AKR1B15: variants seen among roughly 807,000 people sequenced by gnomAD.
AKR1B15 encodes the protein estradiol 17-beta-dehydrogenase AKR1B15.
Under a neutral mutation model 38.5 loss-of-function variants are expected in AKR1B15, and 49 were observed. The observed-to-expected ratio is 1.27, with a 90% CI of 1.01 to 1.62. The LOEUF (loss-of-function observed/expected upper bound fraction) is 1.62, where lower values mean the gene tolerates loss of function less well. Ranked by LOEUF, AKR1B15 falls within the 40% of genes most tolerant of loss-of-function variation. The pLI, the probability that AKR1B15 is intolerant of heterozygous loss-of-function variation, is 0.00. For synonymous variants in AKR1B15, 137 were observed against 135.5 expected, an observed-to-expected ratio of 1.01 and a Z score of -0.08; for missense variants, 411 against 381.6, an observed-to-expected ratio of 1.08 and a Z score of -0.64.
At chr7:134,560,727 G>A (rs1286174770) in intron 2 of AKR1B15, among the ~76,000 whole-genome samples, 1 of 152,192 alleles carries the variant, frequency 6.6e-6, no homozygotes, top group Non-Finnish European at 1.5e-5. Context: ...GGAAGACCAT[G>A]AAAAGAGGGT....
intron 1 of AKR1B15, among the ~76,000 whole-genome samples, chr7:134,555,131 C>T (rs1205977015): frequency 6.6e-6 from 1 of 152,168 alleles, no homozygotes; most frequent in Admixed American, 6.5e-5. Context: ...AAAGGATACC[C>T]ATTTAGCAGA....
At chr7:134,561,228 T>G (rs1278449350) in intron 2 of AKR1B15, among the ~76,000 whole-genome samples, 1 of 152,162 alleles carries the variant, frequency 6.6e-6, no homozygotes. Context: ...ATTTATTTAT[T>G]TTTGAGATGG....
chr7:134,554,039 T>A (rs748764636), intron 1 of AKR1B15, among the ~76,000 whole-genome samples: 5 of 152,194 alleles, frequency 3.3e-5, no homozygotes, highest in Non-Finnish European at 4.4e-5. Context: ...GCAGGTATGC[T>A]TTTGCTACTG....
chr7:134,564,823 G>A (rs1431323244), intron 3 of AKR1B15, 54 bp downstream of exon 3: 1 of 566,796 alleles, frequency 1.8e-6, no homozygotes, highest in African/African-American at 1.9e-5. Flanking sequence ...GTGGTGTCCT[G>A]TTTAGATGGG....
intron 6 of AKR1B15, among the ~76,000 whole-genome samples, chr7:134,574,575 C>T: frequency 6.6e-6 from 1 of 152,154 alleles, no homozygotes; most frequent in Non-Finnish European, 1.5e-5. Context: ...CTGTAAGAAT[C>T]CCAGAAGAAG....
intron 2 of AKR1B15, 78 bp downstream of exon 2, chr7:134,556,937 T>C (rs958617980): frequency 1.3e-5 from 2 of 152,160 alleles, no homozygotes; most frequent in African/African-American, 2.4e-5. Flanking sequence ...CTGAAGTAGT[T>C]CTTCAAAACC....
chr7:134,573,588 A>C, intron 6 of AKR1B15: 14 of 973,840 alleles, frequency 1.4e-5, no homozygotes, highest in Non-Finnish European at 1.5e-5. Context: ...TAGAAACCTC[A>C]TTGACTACCC....
chr7:134,578,012 G>A (rs1168495880), intron 11 of AKR1B15, among the ~76,000 whole-genome samples: 1 of 152,188 alleles, frequency 6.6e-6, no homozygotes, highest in Non-Finnish European at 1.5e-5. Flanking sequence ...AATTGTAAGA[G>A]AAGGTGTGTT....
intron 6 of AKR1B15, among the ~76,000 whole-genome samples, chr7:134,574,665 G>T (rs565368345): frequency 6.6e-6 from 1 of 152,218 alleles, no homozygotes; most frequent in Non-Finnish European, 1.5e-5. Flanking sequence ...CTAAATACAT[G>T]TTGCATTGGA....
chr7:134,577,042 T>A lies in AKR1B15; in HGVS notation c.905T>A (p.Ile302Asn). The A allele has an allele frequency of 6.2e-7, 1 of 1,613,440 alleles. No individual in the cohort carries two copies. Among genetic ancestry groups the A allele is most frequent in the Non-Finnish European group, 8.5e-7 (1 of 1,179,450 alleles). Residue 302 changes from isoleucine (I) to asparagine (N), a missense_variant, in exon 10 of 12, where the codon ATT becomes AAT. Physicochemically the swap from Ile to Asn is moderately radical, Grantham distance 149. This residue lies in a region of AKR1B15 where 133 missense variants were observed against 120.3 expected (regional missense o/e 1.11). Transcript: ENST00000457545. ...SMTPAHIVEN[I>N]QVFDFKLSDE... is the part of the protein sequence containing the mutation. The stretch of plus-strand genomic sequence containing the variant: ...ACACCAGCACACATTGTTGAGAACA[T>A]TCAGGTAAGTTTCCGGCTGGTCGGG...
chr7:134,559,291 T>A (rs1405039395), intron 2 of AKR1B15, among the ~76,000 whole-genome samples: 2 of 152,140 alleles, frequency 1.3e-5, no homozygotes, highest in Non-Finnish European at 2.9e-5. Context: ...CAAGCATGTA[T>A]AAGTATGGAG....
intron 7 of AKR1B15, 86 bp from the exon 8 acceptor site, chr7:134,575,735 T>G: frequency 4.4e-6 from 7 of 1,592,098 alleles, no homozygotes; most frequent in Non-Finnish European, 6.0e-6. Flanking sequence ...CTTTGCTTGG[T>G]GGACTTTTTT....
intron 10 of AKR1B15, among the ~76,000 whole-genome samples, chr7:134,577,274 C>T (rs1374770833): frequency 1.3e-5 from 2 of 152,208 alleles, no homozygotes; most frequent in African/African-American, 4.8e-5. Flanking sequence ...CAGGTCTGAG[C>T]ACAGTTGTGC....
Position 134,577,829 on chromosome 7 carries a change from T to C in AKR1B15, c.992+43T>C, listed in dbSNP as rs767043571. The C allele has an allele frequency of 3.6e-5, 58 of 1,599,158 alleles. No homozygotes were observed. In the South Asian group the frequency reaches 6.0e-4, roughly 17 times the overall value. On this transcript the variant is annotated intron_variant, in intron 11 of 11. Transcript: ENST00000457545. ...AACTAGAAGAATTGCCAGGAGTTTT[T>C]CTAAACTGGTAGAGGGTTAGTTGGA...
chr7:134,565,671 G>A, intron 3 of AKR1B15: 2 of 1,494,392 alleles, frequency 1.3e-6, no homozygotes, highest in Non-Finnish European at 9.0e-7. Context: ...TTTCAGTCCT[G>A]GAGCTGGGAC....
Position 134,579,860 on chromosome 7 carries a change from ATGACTT to A in AKR1B15, c.*313_*318del, listed in dbSNP as rs1794844829. The stretch of plus-strand genomic sequence containing the variant: ...ATGTAAAGATAAATAATAAAAAATA[ATGACTT>A]TAACCAACATGTATTGAGAGTGTAC... On this transcript the variant is annotated 3_prime_UTR_variant, in exon 12 of 12. Transcript: ENST00000457545. 3.6e-6 allele frequency: 1 copy of A among 274,886 alleles called. No homozygotes were observed. Among genetic ancestry groups the A allele is most frequent in the African/African-American group, 2.2e-5 (1 of 45,466 alleles). 17.0% of individuals were successfully genotyped at this position (274,886 alleles called of 1,614,324 possible).
At chr7:134,573,406 C>T (rs1794703857) in intron 6 of AKR1B15, 1 of 985,266 alleles carries the variant, frequency 1.0e-6, no homozygotes, top group South Asian at 4.7e-5. Flanking sequence ...TGTCAATGTA[C>T]CCTGCTTCTC....
At chr7:134,555,862 T>C (rs1007934515) in intron 1 of AKR1B15, among the ~76,000 whole-genome samples, 10 of 152,148 alleles carry the variant, frequency 6.6e-5, no homozygotes, top group Admixed American at 4.6e-4. Flanking sequence ...TGACTCTAGT[T>C]GTCGAGATTC....
Position 134,554,271 on chromosome 7 carries a change from G to A in AKR1B15, c.-146-2465G>A, listed in dbSNP as rs150123045. On this transcript the variant is annotated intron_variant, in intron 1 of 11. Coordinates refer to ENST00000457545, the MANE Select transcript of AKR1B15 (RefSeq NM_001080538.3). ...TTGAGAGGCAGCTCAGCTCCTGGTC[G>A]TGCCTTTAACCCTGCTGCCCTCTGT... 2.1e-3 allele frequency among the ~76,000 whole-genome samples: 318 copies of A among 152,204 alleles called. 1 individual carries two copies. Among genetic ancestry groups the A allele is most frequent in the East Asian group, 0.011 (57 of 5,170 alleles).
Sources: allele counts gnomAD v4.1 joint callset (sites outside exome capture counted in the v4.1 genomes callset), GRCh38; gene constraint gnomAD v4.1.1; regional missense constraint gnomAD v4.1.1; transcripts MANE v1.5; gene names NCBI Gene and HGNC (gene_info 2026-07-23, HGNC 2026-07-21).